Variants in ANGPTL4 observed in about 807,000 individuals in gnomAD.
The protein encoded by ANGPTL4 is angiopoietin-related protein 4.
Under a neutral mutation model 39.2 loss-of-function variants are expected in ANGPTL4, and 39 were observed. The observed-to-expected ratio is 1.00, with a 90% CI of 0.77 to 1.30. The LOEUF (loss-of-function observed/expected upper bound fraction) is 1.30. Ranked by LOEUF, ANGPTL4 falls within the 50% of genes most tolerant of loss-of-function variation. ANGPTL4 has a pLI of 0.00. For synonymous variants in ANGPTL4, 233 were observed against 229.5 expected (o/e 1.02, Z -0.14); for missense variants, 545 against 549.8 (o/e 0.99, Z 0.09).
At chr19:8,365,104 G>T (rs1011062404) in intron 1 of ANGPTL4, among the ~76,000 whole-genome samples, 6 of 151,664 alleles carry the variant, frequency 4.0e-5, no homozygotes, top group Non-Finnish European at 7.4e-5. Flanking sequence ...GGGAGGCAGA[G>T]GTTGCAGTGA....
chr19:8,368,816 C>T (rs1372023954), intron 3 of ANGPTL4, among the ~76,000 whole-genome samples: 3 of 152,146 alleles, frequency 2.0e-5, no homozygotes, highest in African/African-American at 7.2e-5. Context: ...GATTGCGCCA[C>T]TGCACTCCAG....
intron 1 of ANGPTL4, among the ~76,000 whole-genome samples, chr19:8,365,426 CG>C (rs2145469689): frequency 6.6e-6 from 1 of 152,058 alleles, no homozygotes; most frequent in East Asian, 1.9e-4. Flanking sequence ...TGCAGTGAGC[CG>C]GGATCATGCC....
chr19:8,370,718 A>AAC (rs1555687933), intron 4 of ANGPTL4, among the ~76,000 whole-genome samples: 4 of 150,120 alleles, frequency 2.7e-5, no homozygotes, highest in Non-Finnish European at 5.9e-5. Context: ...AAAAAAAAAA[A>AAC]AAAGAAAGCT....
chr19:8,366,335 T>C lies in ANGPTL4; in HGVS notation c.547+16T>C, dbSNP rs1371230991. On this transcript the variant is annotated intron_variant, in intron 3 of 6. Coordinates refer to ENST00000301455, the MANE Select transcript of ANGPTL4 (RefSeq NM_139314.3). ...CGCCTGCACCGTGAGTGTCTGCCCC[T>C]CGATGCTCTCCGGTGGCCACCCCTA... 1 of 1,611,110 alleles carries C rather than the reference T, an allele frequency of 6.2e-7. No homozygotes were observed. Among genetic ancestry groups the C allele is most frequent in the Admixed American group, 1.7e-5 (1 of 59,968 alleles).
chr19:8,368,865 CAAA>C (rs956284409), intron 3 of ANGPTL4, among the ~76,000 whole-genome samples: 5 of 151,928 alleles, frequency 3.3e-5, no homozygotes, highest in African/African-American at 1.2e-4. Flanking sequence ...AAAAACAAAA[CAAA>C]AAAAGAGAGT....
intron 4 of ANGPTL4, 135 bp from the exon 5 acceptor site, chr19:8,370,921 C>A: frequency 1.0e-6 from 1 of 968,274 alleles, no homozygotes; most frequent in Non-Finnish European, 1.6e-6. Flanking sequence ...CCACCCTCCT[C>A]GAGTCCTCCA....
chr19:8,374,100 CA>C lies in ANGPTL4; in HGVS notation c.*215del. ...TGAGATCGAGGCTGCAGGATATGCT[CA>C]GACTCTAGAGGCGTGGACCAAGGGG... On this transcript the variant is annotated 3_prime_UTR_variant, in exon 7 of 7. Coordinates refer to ENST00000301455, the MANE Select transcript of ANGPTL4 (RefSeq NM_139314.3). The C allele has an allele frequency of 1.7e-6, 1 of 588,026 alleles. No homozygotes were observed. The highest frequency in any genetic ancestry group is 4.6e-4 in the Middle Eastern group (1 of 2,168). The allele number at this position is 588,026 out of a possible 1,614,324, so 36.4% of individuals were successfully genotyped here. A position where few individuals can be genotyped will look rare whatever the true frequency, so the allele number is the denominator to read the frequency against.
At chr19:8,365,169 A>G (rs1970976620) in intron 1 of ANGPTL4, among the ~76,000 whole-genome samples, 2 of 150,804 alleles carry the variant, frequency 1.3e-5, no homozygotes, top group South Asian at 4.2e-4. Context: ...ACTCCTCAAA[A>G]AAATAATAGC....
At chr19:8,370,974 G>C in intron 4 of ANGPTL4, 82 bp from the exon 5 acceptor site, 2 of 1,477,192 alleles carry the variant, frequency 1.4e-6, no homozygotes, top group Non-Finnish European at 1.9e-6. Flanking sequence ...TTTGGAGGGG[G>C]TTTGGTGCTT....
intron 6 of ANGPTL4, 100 bp from the exon 7 acceptor site, chr19:8,373,605 G>A (rs1049596709): frequency 2.8e-5 from 44 of 1,548,400 alleles, no homozygotes; most frequent in Non-Finnish European, 3.3e-5. Context: ...GCCCAGCCTG[G>A]TCCCCAACCT....
intron 6 of ANGPTL4, among the ~76,000 whole-genome samples, chr19:8,372,930 C>A (rs1971152703): frequency 6.6e-6 from 1 of 152,048 alleles, no homozygotes; most frequent in African/African-American, 2.4e-5. Context: ...GCACTCCAGC[C>A]TGGGCAATGG....
In ANGPTL4 at chr19:8,366,320, G is replaced by T; in HGVS notation, c.547+1G>T. ...GCTCACAATGTCAGCCGCCTGCACC[G>T]TGAGTGTCTGCCCCTCGATGCTCTC... On this transcript the variant is annotated splice_donor_variant, in intron 3 of 6. Coordinates refer to ENST00000301455, the MANE Select transcript of ANGPTL4 (RefSeq NM_139314.3). LOFTEE classifies it high-confidence loss of function. The T allele has an allele frequency of 6.2e-7, 1 of 1,613,262 alleles. No individual in the cohort carries two copies. Among genetic ancestry groups the T allele is most frequent in the Admixed American group, 1.7e-5 (1 of 59,996 alleles).
At position 8,364,477 on chromosome 19, in the gene ANGPTL4, C is replaced by A. The variant is rs376357875; in HGVS notation, c.156C>A (p.Gly52=). 87 of 1,564,270 alleles carry A rather than the reference C, an allele frequency of 5.6e-5. No homozygotes were observed. The African/African-American group carries it at 1.0e-3, about 18-fold the overall frequency. ...TGGCGCACGGACTCCTGCAGCTCGG[C>A]CAGGGGCTGCGCGAACACGCGGAGC... is the stretch of plus-strand genomic sequence containing the variant. ...NVLAHGLLQL[G]QGLREHAERT... The change falls in exon 1 of 7, where the codon GGC becomes GGA. Residue 52 remains glycine (G), a synonymous_variant. Coordinates refer to ENST00000301455, the MANE Select transcript of ANGPTL4 (RefSeq NM_139314.3).
chr19:8,364,270 C>A lies in ANGPTL4; in HGVS notation c.-52C>A. On this transcript the variant is annotated 5_prime_UTR_variant, in exon 1 of 7. Coordinates refer to ENST00000301455, the MANE Select transcript of ANGPTL4 (RefSeq NM_139314.3). ...GCGTCTCCAGTCCTCGCACCTGGAACCCCAACGTCCCCGAGAGTCCCCGAA... is the reference window on the plus strand; with the variant it reads ...GCGTCTCCAGTCCTCGCACCTGGAAACCCAACGTCCCCGAGAGTCCCCGAA... The A allele has an allele frequency of 6.6e-7, 1 of 1,509,718 alleles. No individual in the cohort carries two copies. The allele number at this position is 1,509,718 out of a possible 1,614,324, so 93.5% of individuals were successfully genotyped here. A position where few individuals can be genotyped will look rare whatever the true frequency, so the allele number is the denominator to read the frequency against.
Position 8,364,266 on chromosome 19 carries a change from G to A in ANGPTL4, c.-56G>A. 1 of 1,505,446 alleles carries A rather than the reference G, an allele frequency of 6.6e-7. No individual in the cohort carries two copies. The allele number at this position is 1,505,446 out of a possible 1,614,324, so 93.3% of individuals were successfully genotyped here. A position where few individuals can be genotyped will look rare whatever the true frequency, so the allele number is the denominator to read the frequency against. On this transcript the variant is annotated 5_prime_UTR_variant, in exon 1 of 7. Transcript: ENST00000301455. ...CTCCGCGTCTCCAGTCCTCGCACCT[G>A]GAACCCCAACGTCCCCGAGAGTCCC...
In ANGPTL4 at chr19:8,368,024, C is replaced by CTTTTTTTTTT. The variant is rs762259435; in HGVS notation, c.548-1192_548-1183dup. On this transcript the variant is annotated intron_variant, in intron 3 of 6. Transcript: ENST00000301455. ...GCTAATTTTTATTCATTTATCAAGT[C>CTTTTTTTTTT]TTTTTTTTTTTTGAGACAGAGTCTC... 1.7e-4 allele frequency among the ~76,000 whole-genome samples: 22 copies of CTTTTTTTTTT among 129,176 alleles called. 1 individual carries two copies. The highest frequency in any genetic ancestry group is 4.2e-4 in the African/African-American group (14 of 33,156). The allele number at this position is 129,176 out of a possible 152,430, so 84.7% of individuals were successfully genotyped here.
In ANGPTL4 at chr19:8,371,581, G is replaced by A; in HGVS notation, c.1039+59G>A. 6.2e-7 allele frequency: 1 copy of A among 1,604,810 alleles called. No individual in the cohort carries two copies. Among genetic ancestry groups the A allele is most frequent in the Non-Finnish European group, 8.5e-7 (1 of 1,178,012 alleles). On this transcript the variant is annotated intron_variant, in intron 6 of 6. Coordinates refer to ENST00000301455, the MANE Select transcript of ANGPTL4 (RefSeq NM_139314.3). This position sits in a 1 kb window ranked among gnomAD's most constrained non-coding sequence, Gnocchi z 5.1. ...CAGCTTCCCTCCTTATCTTTCTGCT[G>A]CTCTGTCCTGCCTTCAACCCCACAT...
chr19:8,365,804 C>T (rs1173276355), intron 1 of ANGPTL4, 150 bp from the exon 2 acceptor site: 14 of 699,840 alleles, frequency 2.0e-5, no homozygotes, highest in African/African-American at 7.1e-5. Flanking sequence ...GGCGAGAGAA[C>T]GAGACCCCGT....
rs1568220472 is a variant in ANGPTL4, at chr19:8,373,938, C to G, written c.*52C>G. ...CCACGAAAGACGGTGACTCTTGGCTCTGCCCGAGGATGTGGCCGTTCCCTG... is the reference window on the plus strand; with the variant it reads ...CCACGAAAGACGGTGACTCTTGGCTGTGCCCGAGGATGTGGCCGTTCCCTG... On this transcript the variant is annotated 3_prime_UTR_variant, in exon 7 of 7. Transcript: ENST00000301455. 6.3e-7 allele frequency: 1 copy of G among 1,596,058 alleles called. No homozygotes were observed. The highest frequency in any genetic ancestry group is 8.6e-7 in the Non-Finnish European group (1 of 1,167,702).
Sources: gnomAD v4.1 joint callset for allele counts (sites outside exome capture counted in the v4.1 genomes callset) on GRCh38, gnomAD v4.1.1 for gene constraint, Gnocchi (gnomAD v3.1) non-coding constraint, MANE v1.5 for transcripts, NCBI Gene and HGNC (gene_info 2026-07-23, HGNC 2026-07-21) for gene names.